Variants in RPS6KA2 observed in about 807,000 individuals in gnomAD.
RPS6KA2 encodes ribosomal protein S6 kinase alpha-2.
A neutral mutation model predicts 91.8 loss-of-function variants in RPS6KA2; 42 were observed. That is an observed-to-expected ratio of 0.46 (90% CI 0.36 to 0.59). The LOEUF (loss-of-function observed/expected upper bound fraction) is 0.59, where lower values mean the gene tolerates loss of function less well. Ranked by LOEUF, RPS6KA2 falls within the 20% of genes least tolerant of loss-of-function variation. The pLI, the probability that RPS6KA2 is intolerant of heterozygous loss-of-function variation, is 0.00. For synonymous variants in RPS6KA2, 414 were observed against 393.6 expected (o/e 1.05, Z -0.61); for missense variants, 798 against 978.5 (o/e 0.82, Z 2.46).
At chr6:166,613,616 G>A (rs539170340) in intron 1 of RPS6KA2, among the ~76,000 whole-genome samples, 14 of 152,298 alleles carry the variant, frequency 9.2e-5, no homozygotes, top group Admixed American at 3.3e-4. Flanking sequence ...CCCTGGTGTC[G>A]GATGGCAGCT....
chr6:166,516,858 G>C (rs903919639), intron 3 of RPS6KA2, among the ~76,000 whole-genome samples: 1 of 152,236 alleles, frequency 6.6e-6, no homozygotes, highest in Non-Finnish European at 1.5e-5. Flanking sequence ...GCAGAGAAAA[G>C]GGGGGTTCCT....
intron 1 of RPS6KA2, among the ~76,000 whole-genome samples, chr6:166,625,993 G>A (rs1022728935): frequency 1.1e-4 from 17 of 152,202 alleles, no homozygotes; most frequent in African/African-American, 4.1e-4. Context: ...ATTTGAGATT[G>A]TTCCAGCTGA....
intron 2 of RPS6KA2, among the ~76,000 whole-genome samples, chr6:166,670,295 A>C (rs569422247): frequency 4.0e-4 from 61 of 152,360 alleles, no homozygotes; most frequent in African/African-American, 1.4e-3. Flanking sequence ...CAACACGCGC[A>C]TGAGTGAATT....
At chr6:166,614,753 C>G (rs1786340248) in intron 1 of RPS6KA2, among the ~76,000 whole-genome samples, 1 of 152,194 alleles carries the variant, frequency 6.6e-6, no homozygotes. Context: ...GCTCCTGACC[C>G]TTCCTCCACC....
intron 2 of RPS6KA2, among the ~76,000 whole-genome samples, chr6:166,710,489 T>TGTGTGTGTGA (rs1368214377): frequency 2.3e-4 from 3 of 12,934 alleles, no homozygotes; most frequent in Non-Finnish European, 5.2e-4. Flanking sequence ...TGTGTGAGTG[T>TGTGTGTGTGA]GTGTGTGTGT....
At chr6:166,766,717 C>T (rs1282141391) in intron 2 of RPS6KA2, among the ~76,000 whole-genome samples, 1 of 152,242 alleles carries the variant, frequency 6.6e-6, no homozygotes, top group African/African-American at 2.4e-5. Context: ...AAGTGCAATG[C>T]ACAGATTTTG....
intron 2 of RPS6KA2, among the ~76,000 whole-genome samples, chr6:166,848,951 T>C (rs1263992175): frequency 1.3e-5 from 2 of 152,100 alleles, no homozygotes; most frequent in Non-Finnish European, 2.9e-5. Context: ...TATATATATA[T>C]GTGGGTCCCA....
At chr6:166,467,153 CA>C (rs982266162) in intron 11 of RPS6KA2, among the ~76,000 whole-genome samples, 29 of 152,180 alleles carry the variant, frequency 1.9e-4, no homozygotes, top group Non-Finnish European at 3.7e-4. Flanking sequence ...TTCATTCACT[CA>C]CTCATTAACT....
intron 2 of RPS6KA2, chr6:166,701,924 AT>A (rs1372939541): frequency 1.6e-5 from 18 of 1,141,832 alleles, no homozygotes; most frequent in Non-Finnish European, 2.1e-5. Flanking sequence ...GTCTTGCTCA[AT>A]TTTTTTAAGA....
chr6:166,789,007 G>A (rs528578509), intron 2 of RPS6KA2, among the ~76,000 whole-genome samples: 22 of 152,216 alleles, frequency 1.4e-4, no homozygotes, highest in Admixed American at 7.8e-4. Flanking sequence ...GCCAGACAGC[G>A]GGCACAGGAC....
intron 2 of RPS6KA2, among the ~76,000 whole-genome samples, chr6:166,789,038 C>T (rs959768026): frequency 6.6e-5 from 10 of 152,204 alleles, no homozygotes; most frequent in East Asian, 1.9e-4. Flanking sequence ...GCATACCGTG[C>T]GCGAGCTGAA....
In RPS6KA2 at chr6:166,687,234, G is replaced by A. The variant is rs373673178; in HGVS notation, c.124-148450C>T. ...GCGTGCCAGGAGCCATGGCAGGTGC[G>A]ATACCTGCCTCGCTTCGTTGACCCT... On this transcript the variant is annotated intron_variant, in intron 2 of 21. Coordinates refer to the RPS6KA2 transcript ENST00000503859. Among the ~76,000 whole-genome samples the A allele has an allele frequency of 3.9e-5, 6 of 152,312 alleles. No individual in the cohort carries two copies. The East Asian group carries it at 1.2e-3, about 29-fold the overall frequency.
At chr6:166,757,225 T>C (rs73263086) in intron 2 of RPS6KA2, among the ~76,000 whole-genome samples, 8,952 of 152,180 alleles carry the variant, frequency 0.059, 861 homozygotes, top group African/African-American at 0.2. Flanking sequence ...TGCAGAAAAA[T>C]TACGGACACC....
At chr6:166,596,537 C>T (rs1255214033) in intron 1 of RPS6KA2, among the ~76,000 whole-genome samples, 1 of 152,174 alleles carries the variant, frequency 6.6e-6, no homozygotes, top group African/African-American at 2.4e-5. Flanking sequence ...GTTCTTCAGT[C>T]TTTGGAATCT....
At chr6:166,599,914 A>T (rs1785668757) in intron 1 of RPS6KA2, among the ~76,000 whole-genome samples, 1 of 152,078 alleles carries the variant, frequency 6.6e-6, no homozygotes, top group Non-Finnish European at 1.5e-5. Flanking sequence ...GCCCTGCCTG[A>T]TCACCTCCCT....
intron 2 of RPS6KA2, among the ~76,000 whole-genome samples, chr6:166,729,130 G>T (rs960097321): frequency 1.3e-5 from 2 of 152,150 alleles, no homozygotes; most frequent in East Asian, 1.9e-4. Flanking sequence ...TGCTGAGTAG[G>T]GGGTAGCCTA....
chr6:166,506,812 G>A (rs1204725087), intron 5 of RPS6KA2, among the ~76,000 whole-genome samples: 1 of 152,160 alleles, frequency 6.6e-6, no homozygotes, highest in East Asian at 1.9e-4. Flanking sequence ...GGGTGTGAAG[G>A]CCACTGTTGC....
At chr6:166,739,248 T>C (rs1790745735) in intron 2 of RPS6KA2, among the ~76,000 whole-genome samples, 1 of 152,252 alleles carries the variant, frequency 6.6e-6, no homozygotes, top group Non-Finnish European at 1.5e-5. Context: ...TTTCTCATGG[T>C]GCTATTCCAT....
At chr6:166,765,079 T>C (rs1237815182) in intron 2 of RPS6KA2, among the ~76,000 whole-genome samples, 2 of 133,040 alleles carry the variant, frequency 1.5e-5, no homozygotes, top group Admixed American at 7.8e-5. Context: ...CCAGGGCAGG[T>C]GGCAGGAGGA....
Sources: allele counts gnomAD v4.1 joint callset (sites outside exome capture counted in the v4.1 genomes callset), GRCh38; gene constraint gnomAD v4.1.1; transcripts MANE v1.5; gene names NCBI Gene and HGNC (gene_info 2026-07-23, HGNC 2026-07-21).